The following KHDRBS2 variants were observed in gnomAD, a reference collection of about 807,000 sequenced individuals.
KHDRBS2 encodes KH domain-containing, RNA-binding, signal transduction-associated protein 2.
KHDRBS2 carries 26 observed loss-of-function variants against 44.3 expected under a neutral mutation model. The ratio of observed to expected loss-of-function variants is 0.59; its 90% CI spans 0.43 to 0.81. KHDRBS2 has a LOEUF of 0.81. Ranked by LOEUF, KHDRBS2 falls within the 40% of genes least tolerant of loss-of-function variation. The pLI is 0.00. For missense variants in KHDRBS2, 476 were observed against 433.1 expected (o/e 1.10, Z -0.88); for synonymous variants, 194 against 151.1 (o/e 1.28, Z -2.08).
chr6:61,545,509 G>T, the KHDRBS2 span, among the ~76,000 whole-genome samples: 2 of 151,426 alleles, frequency 1.3e-5, no homozygotes, highest in African/African-American at 4.9e-5. Context: ...CTCTGTGTGT[G>T]TGTGTGTGTG....
intron 6 of KHDRBS2, among the ~76,000 whole-genome samples, chr6:61,842,549 C>A (rs1274102786): frequency 6.6e-6 from 1 of 152,134 alleles, no homozygotes; most frequent in Non-Finnish European, 1.5e-5. Flanking sequence ...TAGTATGCTT[C>A]TAAATTTTCT....
chr6:62,198,204 A>C (rs1826093779), intron 1 of KHDRBS2, among the ~76,000 whole-genome samples: 1 of 152,206 alleles, frequency 6.6e-6, no homozygotes, highest in Admixed American at 6.5e-5. Flanking sequence ...AAACACATTC[A>C]AAAGCCAGCC....
At chr6:62,095,398 A>G in intron 2 of KHDRBS2, among the ~76,000 whole-genome samples, 1 of 151,934 alleles carries the variant, frequency 6.6e-6, no homozygotes. Context: ...CTTTTATATC[A>G]TATTTTTCCT....
At chr6:61,954,398 TATGTATGCATGCATACATATATAC>T (rs1765547951) in intron 4 of KHDRBS2, among the ~76,000 whole-genome samples, 1 of 91,068 alleles carries the variant, frequency 1.1e-5, no homozygotes, top group African/African-American at 3.1e-5. Flanking sequence ...CATATATACG[TATGTATGCATGCATACATATATAC>T]GTATGTATGC....
At chr6:61,610,362 G>A in the KHDRBS2 span, among the ~76,000 whole-genome samples, 3 of 152,020 alleles carry the variant, frequency 2.0e-5, no homozygotes, top group African/African-American at 7.2e-5. Flanking sequence ...TTATATTGCT[G>A]TATAACAAAT....
chr6:61,874,863 G>C (rs916811238), intron 6 of KHDRBS2, among the ~76,000 whole-genome samples: 1 of 151,956 alleles, frequency 6.6e-6, no homozygotes, highest in African/African-American at 2.4e-5. Context: ...CTCCTGGCAG[G>C]GATTCCACAT....
intron 1 of KHDRBS2, among the ~76,000 whole-genome samples, chr6:62,222,676 T>C (rs1831105338): frequency 6.6e-6 from 1 of 152,108 alleles, no homozygotes; most frequent in Non-Finnish European, 1.5e-5. Context: ...CATTTCAAAG[T>C]CAATTGGCCT....
chr6:61,683,866 T>C (rs1434546989), intron 8 of KHDRBS2, among the ~76,000 whole-genome samples: 1 of 151,892 alleles, frequency 6.6e-6, no homozygotes, highest in Non-Finnish European at 1.5e-5. Flanking sequence ...TACTTGTACG[T>C]GGAAAAGTAA....
the KHDRBS2 span, among the ~76,000 whole-genome samples, chr6:61,602,199 A>G: frequency 6.6e-6 from 1 of 152,150 alleles, no homozygotes; most frequent in South Asian, 2.1e-4. Flanking sequence ...CTAGCCTTCA[A>G]GATGTACAGT....
the KHDRBS2 span, among the ~76,000 whole-genome samples, chr6:61,667,233 A>G: frequency 1.5e-4 from 22 of 150,768 alleles, no homozygotes; most frequent in Non-Finnish European, 2.7e-4. Flanking sequence ...AATAACAACT[A>G]TATTCTCTTT....
intron 3 of KHDRBS2, among the ~76,000 whole-genome samples, chr6:62,027,623 G>A (rs1182798667): frequency 1.3e-5 from 2 of 152,040 alleles, no homozygotes; most frequent in Non-Finnish European, 2.9e-5. Context: ...AACCTCCTAG[G>A]AGTGGGAGGG....
chr6:61,607,333 AAC>A, the KHDRBS2 span, among the ~76,000 whole-genome samples: 29 of 151,648 alleles, frequency 1.9e-4, no homozygotes, highest in Non-Finnish European at 3.7e-4. Context: ...CAATTTAATA[AAC>A]ACACAGAAGA....
chr6:61,948,054 T>A (rs1378312109), intron 4 of KHDRBS2, among the ~76,000 whole-genome samples: 1 of 151,894 alleles, frequency 6.6e-6, no homozygotes, highest in African/African-American at 2.4e-5. Flanking sequence ...TTGCTAATAA[T>A]TCACCTAAGG....
the KHDRBS2 span, among the ~76,000 whole-genome samples, chr6:61,573,226 C>A: frequency 6.6e-6 from 1 of 151,616 alleles, no homozygotes. Flanking sequence ...ACAACAGCTG[C>A]AAAAAAATAA....
chr6:61,596,915 G>T, the KHDRBS2 span, among the ~76,000 whole-genome samples: 3 of 152,090 alleles, frequency 2.0e-5, no homozygotes, highest in African/African-American at 7.2e-5. Context: ...CTCCCAAAGT[G>T]CTGGAATTAC....
At chr6:61,674,413 A>G in the KHDRBS2 span, among the ~76,000 whole-genome samples, 1 of 151,676 alleles carries the variant, frequency 6.6e-6, no homozygotes. Context: ...CTTTGTTTTA[A>G]ATTTTGGCTT....
intron 3 of KHDRBS2, among the ~76,000 whole-genome samples, chr6:61,983,252 T>TC (rs1774347330): frequency 1.7e-5 from 1 of 59,972 alleles, no homozygotes; most frequent in South Asian, 5.6e-4. Flanking sequence ...TTTTTTTTTT[T>TC]TTTTTATAGT....
rs1013751522 is a variant in KHDRBS2, at chr6:62,263,101, A to G, written c.91+22757T>C. Among the ~76,000 whole-genome samples, 6 of 151,858 alleles carry G rather than the reference A, an allele frequency of 4.0e-5. No individual in the cohort carries two copies. In the East Asian group the frequency reaches 5.8e-4, roughly 15 times the overall value. On this transcript the variant is annotated intron_variant, in intron 1 of 8. Transcript: ENST00000281156. Reference sequence around the variant, plus strand: ...TGTGTCTTCCAAGAAAACTCAAAGGAAAGACTCATTAGTAATTTACAATTT... The same window carrying G: ...TGTGTCTTCCAAGAAAACTCAAAGGGAAGACTCATTAGTAATTTACAATTT...
At chr6:61,858,423 T>A (rs1796451871) in intron 6 of KHDRBS2, among the ~76,000 whole-genome samples, 1 of 152,008 alleles carries the variant, frequency 6.6e-6, no homozygotes, top group African/African-American at 2.4e-5. Context: ...TCAATATTAG[T>A]TTTTTTCTGT....
Sources: gnomAD v4.1 joint callset for allele counts (sites outside exome capture counted in the v4.1 genomes callset) on GRCh38, gnomAD v4.1.1 for gene constraint, MANE v1.5 for transcripts, NCBI Gene and HGNC (gene_info 2026-07-23, HGNC 2026-07-21) for gene names.